The following ENOX1 variants were observed in gnomAD, a reference collection of about 807,000 sequenced individuals.
ENOX1 encodes candidate growth-related and time keeping constitutive hydroquinone (NADH) oxidase.
A neutral mutation model predicts 82.5 loss-of-function variants in ENOX1; 42 were observed. That is an observed-to-expected ratio of 0.51 (90% CI 0.40 to 0.66). ENOX1 has a LOEUF of 0.66. Among genes scored for constraint, ENOX1 ranks in the 30% least tolerant of loss-of-function variants. The pLI is 0.00. For missense variants in ENOX1, 608 were observed against 811.6 expected (o/e 0.75, Z 3.05); for synonymous variants, 271 against 282.2 (o/e 0.96, Z 0.40).
intron 16 of ENOX1, 76 bp downstream of exon 16, chr13:43,223,977 T>C (rs2041913264): frequency 2.7e-6 from 3 of 1,117,398 alleles, no homozygotes; most frequent in African/African-American, 3.1e-5. Context: ...GTTCAGTTCA[T>C]GCAGAGTCCA....
intron 2 of ENOX1, among the ~76,000 whole-genome samples, chr13:43,616,457 C>T (rs1229308948): frequency 7.1e-6 from 1 of 140,716 alleles, no homozygotes; most frequent in African/African-American, 2.6e-5. Flanking sequence ...CCGCCTCAGC[C>T]TCCCAAAGTG....
intron 5 of ENOX1, among the ~76,000 whole-genome samples, chr13:43,408,362 A>G (rs2053921219): frequency 6.6e-6 from 1 of 152,234 alleles, no homozygotes; most frequent in Non-Finnish European, 1.5e-5. Flanking sequence ...TTCAACAAAT[A>G]TGGGAAGAGT....
intron 10 of ENOX1, among the ~76,000 whole-genome samples, chr13:43,325,664 G>A (rs1384820208): frequency 1.3e-5 from 2 of 152,096 alleles, no homozygotes; most frequent in Non-Finnish European, 2.9e-5. Context: ...GCTAGAGATG[G>A]AGAGGCATCC....
At chr13:43,491,973 T>C (rs2076634042) in intron 2 of ENOX1, among the ~76,000 whole-genome samples, 1 of 152,084 alleles carries the variant, frequency 6.6e-6, no homozygotes, top group Non-Finnish European at 1.5e-5. Flanking sequence ...CCAGTAGAAA[T>C]GGTCTGCTCA....
chr13:43,270,781 T>G (rs1038273353), intron 12 of ENOX1, among the ~76,000 whole-genome samples: 1 of 152,212 alleles, frequency 6.6e-6, no homozygotes. Context: ...CAGTGATTTC[T>G]TGCAATTTTC....
intron 1 of ENOX1, among the ~76,000 whole-genome samples, chr13:43,689,888 C>T (rs2086264166): frequency 6.6e-6 from 1 of 152,182 alleles, no homozygotes; most frequent in African/African-American, 2.4e-5. Flanking sequence ...AACCATCCCA[C>T]TTTGCATGTC....
chr13:43,413,653 T>C (rs983526154), intron 3 of ENOX1, among the ~76,000 whole-genome samples: 2 of 147,742 alleles, frequency 1.4e-5, no homozygotes, highest in East Asian at 3.9e-4. Flanking sequence ...CACAACTTTT[T>C]GGTTTGAATT....
At chr13:43,643,631 G>A (rs1390016717) in intron 2 of ENOX1, among the ~76,000 whole-genome samples, 1 of 144,072 alleles carries the variant, frequency 6.9e-6, no homozygotes, top group Non-Finnish European at 1.5e-5. Context: ...GTATGTGTGT[G>A]TGTATATATA....
Position 43,738,292 on chromosome 13 carries a change from T to C in ENOX1, c.-285+48360A>G, listed in dbSNP as rs543458088. Among the ~76,000 whole-genome samples, 5 of 152,280 alleles carry C rather than the reference T, an allele frequency of 3.3e-5. No individual in the cohort carries two copies. In the East Asian group the frequency reaches 7.7e-4, roughly 23 times the overall value. On this transcript the variant is annotated intron_variant, in intron 1 of 16. Coordinates refer to ENST00000690772, the MANE Select transcript of ENOX1 (RefSeq NM_001347969.2). ...TTTTCAACATAACAATATGTAGTTA[T>C]AGAGCCAAGCATATAATCAAACAAT...
At chr13:43,592,082 A>G (rs1462551164) in intron 2 of ENOX1, among the ~76,000 whole-genome samples, 23 of 152,266 alleles carry the variant, frequency 1.5e-4, no homozygotes, top group East Asian at 1.9e-4. Context: ...TGCTTTCTCT[A>G]TATTTTTCAC....
chr13:43,574,114 G>C (rs1012610202), intron 2 of ENOX1, among the ~76,000 whole-genome samples: 8 of 152,100 alleles, frequency 5.3e-5, no homozygotes, highest in African/African-American at 1.9e-4. Context: ...TTTTGTTCAT[G>C]AACTGCCATA....
Position 43,344,746 on chromosome 13 carries a change from A to G in ENOX1, c.828T>C (p.Asp276=), listed in dbSNP as rs375758303. 8 of 1,613,676 alleles carry G rather than the reference A, an allele frequency of 5.0e-6. No individual in the cohort carries two copies. In the African/African-American group the frequency reaches 5.3e-5, roughly 11 times the overall value. The change falls in exon 9 of 17, where the codon GAT becomes GAC. Residue 276 remains aspartate (D), a synonymous_variant. Transcript: ENST00000690772. ...AALLAEKLKD[D]SKFSEAITVL... is the part of the protein sequence containing the mutation. ...CTGTGATAGCCTCTGAAAACTTGCT[A>G]TCATCTGGAAATGGAAAACCACCAA...
At chr13:43,592,705 G>C (rs1000903567) in intron 2 of ENOX1, among the ~76,000 whole-genome samples, 3 of 152,126 alleles carry the variant, frequency 2.0e-5, no homozygotes, top group African/African-American at 7.2e-5. Context: ...TCTAAAGACA[G>C]GCTATATGAT....
Position 43,486,518 on chromosome 13 carries a change from T to C in ENOX1, c.-218-2366A>G, listed in dbSNP as rs61959520. 8.3e-3 allele frequency among the ~76,000 whole-genome samples: 1,257 copies of C among 152,322 alleles called. 10 individuals are homozygous for C. The highest frequency in any genetic ancestry group is 1.0e-2 in the Non-Finnish European group (678 of 68,028). ...TAAACATTCATTCAGCCACTATTCA[T>C]TATATACTTATGAGCCAAACAATAA... is the stretch of plus-strand genomic sequence containing the variant. On this transcript the variant is annotated intron_variant, in intron 2 of 16. Transcript: ENST00000690772.
chr13:43,438,842 G>A (rs1421370345), intron 3 of ENOX1, among the ~76,000 whole-genome samples: 1 of 152,110 alleles, frequency 6.6e-6, no homozygotes, highest in African/African-American at 2.4e-5. Context: ...CAGCTCCAAA[G>A]GAGATTCTGA....
chr13:43,318,331 C>T (rs2047626824), intron 11 of ENOX1, among the ~76,000 whole-genome samples: 1 of 152,060 alleles, frequency 6.6e-6, no homozygotes, highest in South Asian at 2.1e-4. Context: ...TTAGGACATC[C>T]CTAATATTTT....
At chr13:43,619,499 T>C (rs1295868388) in intron 2 of ENOX1, among the ~76,000 whole-genome samples, 1 of 152,192 alleles carries the variant, frequency 6.6e-6, no homozygotes, top group Non-Finnish European at 1.5e-5. Context: ...TTTGCATCTA[T>C]TTAAATGATC....
At chr13:43,449,674 G>GT (rs202189629) in intron 3 of ENOX1, among the ~76,000 whole-genome samples, 2,259 of 147,240 alleles carry the variant, frequency 0.015, 46 homozygotes, top group East Asian at 0.097. Context: ...ACTTCTTATT[G>GT]TTTTTTTTTT....
chr13:43,394,308 T>C (rs1009329249), intron 5 of ENOX1, among the ~76,000 whole-genome samples: 2 of 152,212 alleles, frequency 1.3e-5, no homozygotes, highest in Admixed American at 6.5e-5. Flanking sequence ...GCCAATTTCA[T>C]TGAGTGAAAA....
Sources: gnomAD v4.1 joint callset for allele counts (sites outside exome capture counted in the v4.1 genomes callset) on GRCh38, gnomAD v4.1.1 for gene constraint, MANE v1.5 for transcripts, NCBI Gene and HGNC (gene_info 2026-07-23, HGNC 2026-07-21) for gene names.